The following MACROD2 variants were observed in gnomAD, a reference collection of about 807,000 sequenced individuals.
The protein encoded by MACROD2 is mono-ADP ribosylhydrolase 2, also known as ADP-ribose glycohydrolase MACROD2.
A neutral mutation model predicts 70.4 loss-of-function variants in MACROD2; 36 were observed. That is an observed-to-expected ratio of 0.51 (90% confidence interval 0.39 to 0.68). MACROD2 has a LOEUF of 0.68. MACROD2 is among the 30% of genes least tolerant of loss of function. MACROD2 has a pLI of 0.00. For synonymous variants in MACROD2, 172 were observed against 178.8 expected, an observed-to-expected ratio of 0.96 and a Z score of 0.30; for missense variants, 496 against 538.4, an observed-to-expected ratio of 0.92 and a Z score of 0.78.
intron 4 of MACROD2, among the ~76,000 whole-genome samples, chr20:14,641,869 T>C (rs1985116821): frequency 1.3e-5 from 2 of 152,194 alleles, no homozygotes. Context: ...ATTTTTGGAA[T>C]GCTCAGTGGG....
chr20:14,672,800 C>T (rs1211443932), intron 4 of MACROD2, among the ~76,000 whole-genome samples: 6 of 152,122 alleles, frequency 3.9e-5, no homozygotes, highest in Non-Finnish European at 5.9e-5. Flanking sequence ...TCTCTCAGTA[C>T]AAATATTTTG....
intron 3 of MACROD2, among the ~76,000 whole-genome samples, chr20:14,492,762 G>T (rs1267475836): frequency 6.6e-6 from 1 of 151,956 alleles, no homozygotes; most frequent in African/African-American, 2.4e-5. Context: ...TATGCTTTCT[G>T]GTTATTATAT....
intron 4 of MACROD2, among the ~76,000 whole-genome samples, chr20:14,602,296 G>C (rs1322626018): frequency 6.6e-6 from 1 of 152,206 alleles, no homozygotes; most frequent in Non-Finnish European, 1.5e-5. Flanking sequence ...GGTACTGTTT[G>C]CACATGCAGG....
chr20:15,614,553 A>G (rs1249417836), intron 8 of MACROD2, among the ~76,000 whole-genome samples: 1 of 152,130 alleles, frequency 6.6e-6, no homozygotes, highest in African/African-American at 2.4e-5. Flanking sequence ...CAGGTGAGCT[A>G]TTTGCATTGG....
intron 5 of MACROD2, among the ~76,000 whole-genome samples, chr20:15,178,107 A>C (rs2076475234): frequency 6.6e-6 from 1 of 152,226 alleles, no homozygotes. Context: ...GAAAAATATG[A>C]GAGTGAATGT....
intron 15 of MACROD2, among the ~76,000 whole-genome samples, chr20:16,018,115 A>T (rs2066953457): frequency 6.6e-6 from 1 of 152,180 alleles, no homozygotes; most frequent in Non-Finnish European, 1.5e-5. Flanking sequence ...TGGAGCACAG[A>T]AGGTAAAATA....
At chr20:14,345,663 C>G (rs970817004) in intron 3 of MACROD2, among the ~76,000 whole-genome samples, 1 of 152,070 alleles carries the variant, frequency 6.6e-6, no homozygotes, top group African/African-American at 2.4e-5. Flanking sequence ...CTCCTGACGT[C>G]AGGTGATCTG....
At chr20:15,067,188 C>T (rs1053710037) in intron 5 of MACROD2, among the ~76,000 whole-genome samples, 1 of 152,046 alleles carries the variant, frequency 6.6e-6, no homozygotes, top group African/African-American at 2.4e-5. Flanking sequence ...CCAACAAATG[C>T]TCAAATTCAT....
intron 6 of MACROD2, among the ~76,000 whole-genome samples, chr20:15,321,096 C>T (rs2077869948): frequency 9.6e-6 from 1 of 103,858 alleles, no homozygotes; most frequent in African/African-American, 3.0e-5. Flanking sequence ...TTTCAAAATG[C>T]ATGCCATCCT....
At chr20:15,589,436 C>T (rs921578402) in intron 8 of MACROD2, among the ~76,000 whole-genome samples, 4 of 152,134 alleles carry the variant, frequency 2.6e-5, no homozygotes, top group African/African-American at 9.7e-5. Context: ...TTCTCATATA[C>T]CCCCTCCTCC....
intron 13 of MACROD2, among the ~76,000 whole-genome samples, chr20:15,984,106 TTTTATAGA>T (rs201564096): frequency 0.026 from 3,631 of 141,458 alleles, 43 homozygotes; most frequent in Non-Finnish European, 0.04. Context: ...TAAGGTAAGA[TTTTATAGA>T]CTTTTTTTAA....
intron 3 of MACROD2, among the ~76,000 whole-genome samples, chr20:14,481,844 G>A (rs2084667310): frequency 2.6e-5 from 4 of 152,130 alleles, no homozygotes; most frequent in African/African-American, 9.7e-5. Flanking sequence ...AGATTATTTG[G>A]AGGATTAAGA....
chr20:15,877,815 C>A (rs1341513960), intron 9 of MACROD2, among the ~76,000 whole-genome samples: 1 of 152,088 alleles, frequency 6.6e-6, no homozygotes, highest in Non-Finnish European at 1.5e-5. Flanking sequence ...AAATTAAGCT[C>A]TAAGGAAGAG....
chr20:14,459,702 T>A (rs1316600768), intron 3 of MACROD2, among the ~76,000 whole-genome samples: 1 of 152,102 alleles, frequency 6.6e-6, no homozygotes, highest in Non-Finnish European at 1.5e-5. Context: ...ATTTTATGAT[T>A]ATTATTTCAT....
intron 5 of MACROD2, among the ~76,000 whole-genome samples, chr20:15,117,948 G>T (rs1441866733): frequency 6.6e-6 from 1 of 151,970 alleles, no homozygotes; most frequent in Non-Finnish European, 1.5e-5. Flanking sequence ...AATGTTTTTT[G>T]TTTGTTTGTT....
At chr20:15,327,342 G>A (rs2077941545) in intron 6 of MACROD2, among the ~76,000 whole-genome samples, 1 of 152,102 alleles carries the variant, frequency 6.6e-6, no homozygotes, top group Non-Finnish European at 1.5e-5. Context: ...GAGAAGGTGA[G>A]AGTGATCCCC....
At chr20:15,207,025 C>G (rs1386134701) in intron 5 of MACROD2, among the ~76,000 whole-genome samples, 1 of 152,016 alleles carries the variant, frequency 6.6e-6, no homozygotes, top group Non-Finnish European at 1.5e-5. Context: ...CGTGAGCCAC[C>G]GCGCCCGGCC....
chr20:15,565,269 T>G (rs1249966749), intron 8 of MACROD2, among the ~76,000 whole-genome samples: 4 of 152,226 alleles, frequency 2.6e-5, no homozygotes, highest in African/African-American at 9.6e-5. Context: ...CCTAGAGATC[T>G]CTGAGTATCT....
chr20:15,265,960 T>C (rs1277790325), intron 6 of MACROD2, among the ~76,000 whole-genome samples: 1 of 152,230 alleles, frequency 6.6e-6, no homozygotes, highest in Admixed American at 6.5e-5. Context: ...CTCAGTGTGT[T>C]ACATGCATGT....
Sources: allele counts gnomAD v4.1 joint callset (sites outside exome capture counted in the v4.1 genomes callset), GRCh38; gene constraint gnomAD v4.1.1; transcripts MANE v1.5; gene names NCBI Gene and HGNC (gene_info 2026-07-23, HGNC 2026-07-21).